The following KCNIP4 variants were observed in gnomAD, a reference collection of about 807,000 sequenced individuals.
KCNIP4 encodes the protein Kv channel-interacting protein 4.
Under a neutral mutation model 34.0 loss-of-function variants are expected in KCNIP4, and 12 were observed. That is an observed-to-expected ratio of 0.35 (90% CI 0.23 to 0.57). The LOEUF (loss-of-function observed/expected upper bound fraction) is 0.57, where lower values mean the gene tolerates loss of function less well. KCNIP4 is among the 20% of genes least tolerant of loss of function. The pLI is 0.83. For synonymous variants in KCNIP4, 124 were observed against 102.2 expected (o/e 1.21, Z -1.29); for missense variants, 238 against 311.7 (o/e 0.76, Z 1.78).
At chr4:21,676,027 C>T (rs1371271887) in intron 1 of KCNIP4, among the ~76,000 whole-genome samples, 2 of 152,152 alleles carry the variant, frequency 1.3e-5, no homozygotes, top group African/African-American at 4.8e-5. Flanking sequence ...CAATTATATA[C>T]TGAGAAAACC....
intron 4 of KCNIP4, among the ~76,000 whole-genome samples, chr4:20,753,351 A>G (rs1469712510): frequency 2.6e-5 from 4 of 152,172 alleles, no homozygotes; most frequent in African/African-American, 9.7e-5. Context: ...TTATAGAGGA[A>G]CAACTTGAGG....
intron 1 of KCNIP4, among the ~76,000 whole-genome samples, chr4:21,142,010 G>C (rs1378849501): frequency 6.6e-6 from 1 of 151,774 alleles, no homozygotes; most frequent in Non-Finnish European, 1.5e-5. Context: ...AATTTGCGAG[G>C]TGTGGTGGTG....
intron 1 of KCNIP4, among the ~76,000 whole-genome samples, chr4:21,097,138 G>C (rs566011860): frequency 8.1e-4 from 124 of 152,184 alleles, no homozygotes; most frequent in African/African-American, 2.8e-3. Context: ...ACCAAGACAT[G>C]TACAGAGATG....
At chr4:21,502,965 A>G (rs891211838) in intron 1 of KCNIP4, among the ~76,000 whole-genome samples, 1 of 152,124 alleles carries the variant, frequency 6.6e-6, no homozygotes, top group Non-Finnish European at 1.5e-5. Flanking sequence ...TTCTATTAAA[A>G]ATGATTTTAC....
At position 21,886,978 on chromosome 4, in the gene KCNIP4, A is replaced by C. The variant is rs369829924; in HGVS notation, c.61+61593T>G. Among the ~76,000 whole-genome samples the C allele has an allele frequency of 8.9e-4, 136 of 152,264 alleles. 1 individual carries two copies. Among genetic ancestry groups the C allele is most frequent in the African/African-American group, 3.2e-3 (134 of 41,566 alleles). ...TCAAACAGTCAGGAATACAGGCTAA[A>C]AGCCCTGGTCTTAATTAAAGATCTA... On this transcript the variant is annotated intron_variant, in intron 1 of 8. Transcript: ENST00000382152.
intron 1 of KCNIP4, among the ~76,000 whole-genome samples, chr4:21,652,893 C>T (rs1318868758): frequency 6.6e-6 from 1 of 152,152 alleles, no homozygotes; most frequent in Non-Finnish European, 1.5e-5. Flanking sequence ...TTAAGCATAA[C>T]TTCAAGCAAT....
At chr4:21,578,889 G>A (rs919792083) in intron 1 of KCNIP4, among the ~76,000 whole-genome samples, 30 of 152,214 alleles carry the variant, frequency 2.0e-4, no homozygotes, top group African/African-American at 6.5e-4. Context: ...TCTTGCATAC[G>A]GATTTTAGAG....
chr4:20,818,147 C>T (rs73242504), intron 3 of KCNIP4, among the ~76,000 whole-genome samples: 12 of 152,068 alleles, frequency 7.9e-5, no homozygotes, highest in Non-Finnish European at 1.2e-4. Flanking sequence ...AGATACCTTA[C>T]CCACTCAGTT....
intron 1 of KCNIP4, among the ~76,000 whole-genome samples, chr4:21,487,850 A>AT (rs1459235438): frequency 1.3e-5 from 2 of 152,008 alleles, no homozygotes; most frequent in East Asian, 3.9e-4. Context: ...ATCATTGTAG[A>AT]TTTTTTAACT....
intron 1 of KCNIP4, among the ~76,000 whole-genome samples, chr4:21,687,086 G>A (rs1356159198): frequency 2.1e-5 from 3 of 139,830 alleles, no homozygotes; most frequent in East Asian, 2.2e-4. Flanking sequence ...ACCAAACACC[G>A]CATATTCTCA....
chr4:21,507,878 AC>A (rs759410666), intron 1 of KCNIP4, among the ~76,000 whole-genome samples: 1 of 152,222 alleles, frequency 6.6e-6, no homozygotes, highest in Non-Finnish European at 1.5e-5. Context: ...TATGTGCAAG[AC>A]CATGAAGTTT....
At chr4:20,965,711 C>A (rs1367405417) in intron 1 of KCNIP4, among the ~76,000 whole-genome samples, 2 of 152,162 alleles carry the variant, frequency 1.3e-5, no homozygotes, top group African/African-American at 4.8e-5. Context: ...ATTAGCTAGG[C>A]AGGTCAACTC....
chr4:20,905,509 C>CTTTTTTTTTTTTTTTTTTT lies in KCNIP4; in HGVS notation c.62-22801_62-22800insAAAAAAAAAAAAAAAAAAA, dbSNP rs10686415. On this transcript the variant is annotated intron_variant, in intron 1 of 8. Coordinates refer to ENST00000382152, the MANE Select transcript of KCNIP4 (RefSeq NM_025221.6). ...ACACAGGTAGTTGAACGTTTTCTTT[C>CTTTTTTTTTTTTTTTTTTT]TTTTTTTTTTTTTTTTGTTTGAGAT... 3.9e-3 allele frequency among the ~76,000 whole-genome samples: 281 copies of CTTTTTTTTTTTTTTTTTTT among 72,758 alleles called. 11 individuals are homozygous for CTTTTTTTTTTTTTTTTTTT. Among genetic ancestry groups the CTTTTTTTTTTTTTTTTTTT allele is most frequent in the Non-Finnish European group, 4.5e-3 (163 of 36,458 alleles). The allele number at this position is 72,758 out of a possible 152,430, so 47.7% of individuals were successfully genotyped here.
intron 1 of KCNIP4, among the ~76,000 whole-genome samples, chr4:21,611,868 C>G (rs1053274242): frequency 6.6e-6 from 1 of 152,136 alleles, no homozygotes; most frequent in African/African-American, 2.4e-5. Flanking sequence ...TGGAAGAATC[C>G]AATGCCTCCA....
At chr4:20,977,944 C>T (rs1165998576) in intron 1 of KCNIP4, among the ~76,000 whole-genome samples, 1 of 152,140 alleles carries the variant, frequency 6.6e-6, no homozygotes, top group Non-Finnish European at 1.5e-5. Context: ...GCTGTCTGGC[C>T]TCTAACCAAT....
chr4:20,934,239 C>T (rs1485375738), intron 1 of KCNIP4, among the ~76,000 whole-genome samples: 10 of 152,138 alleles, frequency 6.6e-5, no homozygotes, highest in Admixed American at 6.6e-4. Context: ...CACGTACCCA[C>T]ATATTCAGTC....
chr4:21,945,889 C>T (rs770513218), intron 1 of KCNIP4, among the ~76,000 whole-genome samples: 10 of 151,052 alleles, frequency 6.6e-5, no homozygotes, highest in Non-Finnish European at 1.2e-4. Flanking sequence ...AAAGTGAGCA[C>T]TCTAATTTGT....
At chr4:21,745,636 C>G (rs1716726630) in intron 1 of KCNIP4, among the ~76,000 whole-genome samples, 1 of 151,954 alleles carries the variant, frequency 6.6e-6, no homozygotes, top group Admixed American at 6.6e-5. Context: ...ATTAAACTGA[C>G]AATGTATCAA....
In KCNIP4 at chr4:21,636,289, A is replaced by AT. The variant is rs751949912; in HGVS notation, c.61+312281dup. ...CATGTACCCTAGAACTTAAAGTATA[A>AT]TAAAAAAAAAGGAAAAAAAAAAAAG... is the stretch of plus-strand genomic sequence containing the variant. On this transcript the variant is annotated intron_variant, in intron 1 of 8. Transcript: ENST00000382152. Among the ~76,000 whole-genome samples the AT allele has an allele frequency of 2.4e-4, 35 of 146,516 alleles. 1 individual carries two copies. The highest frequency in any genetic ancestry group is 1.7e-4 in the Non-Finnish European group (11 of 66,492).
Sources: gnomAD v4.1 joint callset for allele counts (sites outside exome capture counted in the v4.1 genomes callset) on GRCh38, gnomAD v4.1.1 for gene constraint, MANE v1.5 for transcripts, NCBI Gene and HGNC (gene_info 2026-07-23, HGNC 2026-07-21) for gene names.